The following CDH23 variants were observed in gnomAD, a reference collection of about 807,000 sequenced individuals.
CDH23 encodes the protein cadherin related 23.
CDH23 carries 189 observed loss-of-function variants against 317.1 expected under a neutral mutation model. The ratio of observed to expected loss-of-function variants is 0.60; its 90% confidence interval spans 0.53 to 0.67. The LOEUF (loss-of-function observed/expected upper bound fraction) is 0.67. Ranked by LOEUF, CDH23 falls within the 30% of genes least tolerant of loss-of-function variation. CDH23 has a pLI of 0.00. For synonymous variants in CDH23, 1,839 were observed against 1,876.8 expected, an observed-to-expected ratio of 0.98 and a Z score of 0.52; for missense variants, 4,401 against 4,592.4, an observed-to-expected ratio of 0.96 and a Z score of 1.20.
At chr10:71,701,103 G>A (rs78911452) in intron 22 of CDH23, among the ~76,000 whole-genome samples, 29 of 152,294 alleles carry the variant, frequency 1.9e-4, no homozygotes, top group African/African-American at 7.0e-4. Context: ...TGCAATGCAG[G>A]GTCGGGGGTG....
intron 9 of CDH23, among the ~76,000 whole-genome samples, chr10:71,613,558 A>G (rs1861026273): frequency 1.3e-5 from 2 of 152,248 alleles, no homozygotes; most frequent in South Asian, 4.1e-4. Context: ...CTAGCCACTA[A>G]CTTGGGTAGA....
At chr10:71,444,636 A>AC (rs1850069642) in intron 2 of CDH23, among the ~76,000 whole-genome samples, 2 of 152,226 alleles carry the variant, frequency 1.3e-5, no homozygotes, top group Non-Finnish European at 2.9e-5. Flanking sequence ...CTGCCTGAGC[A>AC]CATCGAGGTG....
At chr10:71,523,566 C>T (rs145663133) in intron 6 of CDH23, among the ~76,000 whole-genome samples, 13 of 152,238 alleles carry the variant, frequency 8.5e-5, no homozygotes, top group East Asian at 1.9e-4. Context: ...GAGCCACACT[C>T]GGGAGGCACG....
Position 71,651,104 on chromosome 10 carries a change from C to T in CDH23, c.1449+4487C>T, listed in dbSNP as rs576629851. Among the ~76,000 whole-genome samples the T allele has an allele frequency of 3.1e-4, 47 of 152,312 alleles. 1 individual carries two copies. The South Asian group carries it at 8.5e-3, about 28-fold the overall frequency. On this transcript the variant is annotated intron_variant, in intron 14 of 69. Coordinates refer to ENST00000224721, the MANE Select transcript of CDH23 (RefSeq NM_022124.6). ...GAATCTTCACACTGAGTATTACTTGCTGTGATGGAGAGATCAGGGAGTACG... is the reference window on the plus strand; with the variant it reads ...GAATCTTCACACTGAGTATTACTTGTTGTGATGGAGAGATCAGGGAGTACG...
intron 9 of CDH23, among the ~76,000 whole-genome samples, chr10:71,578,256 G>A (rs906072418): frequency 3.3e-5 from 5 of 152,174 alleles, no homozygotes; most frequent in Admixed American, 2.6e-4. Flanking sequence ...GGGGGTGGGC[G>A]CGTGTGCCGC....
chr10:71,562,842 C>T (rs767505021), intron 6 of CDH23, among the ~76,000 whole-genome samples: 1 of 152,262 alleles, frequency 6.6e-6, no homozygotes, highest in Non-Finnish European at 1.5e-5. Context: ...GGCATCTCTG[C>T]CACCCTGTAA....
intron 1 of CDH23, among the ~76,000 whole-genome samples, chr10:71,414,645 T>C (rs57056840): frequency 0.46 from 46,070 of 100,034 alleles, 7,165 homozygotes; most frequent in African/African-American, 0.56. Flanking sequence ...TCTGTGTTCA[T>C]GTGATTTTTT....
chr10:71,799,835 G>A (rs1034043702), intron 52 of CDH23, among the ~76,000 whole-genome samples: 1 of 152,238 alleles, frequency 6.6e-6, no homozygotes, highest in Admixed American at 6.5e-5. Context: ...CTCAACAGAT[G>A]TTTAAGGAAG....
chr10:71,807,645 C>T lies in CDH23; in HGVS notation c.8438C>T (p.Pro2813Leu), dbSNP rs745880712. 3 of 1,613,858 alleles carry T rather than the reference C, an allele frequency of 1.9e-6. No homozygotes were observed. Among genetic ancestry groups the T allele is most frequent in the East Asian group, 4.5e-5 (2 of 44,898 alleles). Residue 2813 changes from proline (P) to leucine (L), a missense_variant, in exon 59 of 70, where the codon CCT becomes CTT. Around this residue, in one of 3 missense-constraint regions of CDH23, gnomAD observed 1,144 missense variants for 1,138.2 expected, o/e 1.01. Coordinates refer to ENST00000224721, the MANE Select transcript of CDH23 (RefSeq NM_022124.6). ...GCCTCCAGCAATCGCAGCTGGACAC[C>T]TCCCCGTGGACCCTCCCCAACCCTC... Reference protein sequence around the residue: ...VKASSNRSWTPPRGPSPTLDL... With the variant: ...VKASSNRSWTLPRGPSPTLDL...
chr10:71,654,648 G>A (rs1273393966), intron 14 of CDH23, among the ~76,000 whole-genome samples: 1 of 152,172 alleles, frequency 6.6e-6, no homozygotes, highest in African/African-American at 2.4e-5. Flanking sequence ...CATTCTGATG[G>A]TGTTCTCACC....
chr10:71,811,615 CAG>C (rs751041150), intron 64 of CDH23, 25 bp downstream of exon 64: 11 of 1,613,786 alleles, frequency 6.8e-6, no homozygotes, highest in South Asian at 1.1e-5. Flanking sequence ...CCCCTGCCAT[CAG>C]GGGGCCGACC....
At chr10:71,690,957 C>T (rs548931052) in intron 20 of CDH23, among the ~76,000 whole-genome samples, 6 of 152,304 alleles carry the variant, frequency 3.9e-5, no homozygotes, top group South Asian at 4.1e-4. Context: ...TCTTCTTACA[C>T]GGATGTGTGC....
chr10:71,608,804 G>A (rs921312727), intron 9 of CDH23, among the ~76,000 whole-genome samples: 7 of 152,224 alleles, frequency 4.6e-5, no homozygotes, highest in African/African-American at 1.7e-4. Context: ...GGCGAGAGAT[G>A]CGGGTGGGCT....
At chr10:71,763,443 A>G (rs1840449540) in intron 38 of CDH23, among the ~76,000 whole-genome samples, 1 of 152,222 alleles carries the variant, frequency 6.6e-6, no homozygotes, top group Admixed American at 6.5e-5. Context: ...GCCCAGAACC[A>G]ATATAATGCC....
intron 3 of CDH23, among the ~76,000 whole-genome samples, chr10:71,447,006 G>A (rs1338428688): frequency 5.9e-5 from 9 of 152,166 alleles, no homozygotes; most frequent in Non-Finnish European, 1.3e-4. Flanking sequence ...ACCTGTGCCC[G>A]TGTGCAGGCA....
Position 71,480,684 on chromosome 10 carries a change from G to A in CDH23, c.146-29398G>A, listed in dbSNP as rs573345754. Among the ~76,000 whole-genome samples the A allele has an allele frequency of 3.3e-5, 5 of 152,344 alleles. No individual in the cohort carries two copies. The South Asian group carries it at 1.0e-3, about 32-fold the overall frequency. Reference sequence around the variant, plus strand: ...CTGTGAGCCAGGAGCCACTGCTGGGGCTGGTGAGGAAACAGATGGGGTCAG... The same window carrying A: ...CTGTGAGCCAGGAGCCACTGCTGGGACTGGTGAGGAAACAGATGGGGTCAG... On this transcript the variant is annotated intron_variant, in intron 3 of 69. Coordinates refer to ENST00000224721, the MANE Select transcript of CDH23 (RefSeq NM_022124.6).
intron 3 of CDH23, among the ~76,000 whole-genome samples, chr10:71,487,068 T>A (rs1202832520): frequency 6.6e-6 from 1 of 152,098 alleles, no homozygotes; most frequent in Non-Finnish European, 1.5e-5. Context: ...AAGGTGCATC[T>A]AGAACCAGCT....
chr10:71,585,046 T>C (rs1177622739), intron 9 of CDH23, among the ~76,000 whole-genome samples: 1 of 151,794 alleles, frequency 6.6e-6, no homozygotes, highest in Admixed American at 6.6e-5. Context: ...CAGTTCTGGG[T>C]GGATTGGAGC....
intron 6 of CDH23, among the ~76,000 whole-genome samples, chr10:71,521,609 A>G (rs1854687456): frequency 1.3e-5 from 2 of 152,130 alleles, no homozygotes; most frequent in African/African-American, 4.8e-5. Flanking sequence ...GCCAAACCTG[A>G]CACTTCCTTC....
Sources: gnomAD v4.1 joint callset for allele counts (sites outside exome capture counted in the v4.1 genomes callset) on GRCh38, gnomAD v4.1.1 for gene constraint, gnomAD v4.1.1 regional missense constraint, MANE v1.5 for transcripts, NCBI Gene and HGNC (gene_info 2026-07-23, HGNC 2026-07-21) for gene names.